Variants in SERPINI1 observed in about 807,000 individuals in gnomAD.
SERPINI1 encodes neuroserpin.
SERPINI1 carries 19 observed loss-of-function variants against 41.1 expected under a neutral mutation model. The ratio of observed to expected loss-of-function variants is 0.46; its 90% CI spans 0.32 to 0.68. The LOEUF is 0.68. Ranked by LOEUF, SERPINI1 falls within the 30% of genes least tolerant of loss-of-function variation. The pLI is 0.03. For missense variants in SERPINI1, 460 were observed against 479.2 expected, an observed-to-expected ratio of 0.96 and a Z score of 0.37; for synonymous variants, 138 against 156.6, an observed-to-expected ratio of 0.88 and a Z score of 0.89.
At chr3:167,796,076 C>A (rs935301385) in intron 5 of SERPINI1, among the ~76,000 whole-genome samples, 1 of 151,912 alleles carries the variant, frequency 6.6e-6, no homozygotes, top group African/African-American at 2.4e-5. Flanking sequence ...TTATTAATAA[C>A]TGATTAACCC....
chr3:167,758,970 T>G (rs1435799043), intron 1 of SERPINI1, among the ~76,000 whole-genome samples: 1 of 152,196 alleles, frequency 6.6e-6, no homozygotes, highest in African/African-American at 2.4e-5. Flanking sequence ...GAGTGGCTCT[T>G]TATAAAAGAA....
At chr3:167,796,866 T>G (rs530487662) in intron 5 of SERPINI1, among the ~76,000 whole-genome samples, 2 of 152,344 alleles carry the variant, frequency 1.3e-5, no homozygotes, top group African/African-American at 4.8e-5. Context: ...TTTGTAATCC[T>G]TTGGGTATAT....
chr3:167,816,258 C>T (rs923764010), intron 6 of SERPINI1, among the ~76,000 whole-genome samples: 1 of 152,058 alleles, frequency 6.6e-6, no homozygotes, highest in African/African-American at 2.4e-5. Context: ...TATCCGACTC[C>T]TGGGCTCAAG....
chr3:167,799,664 G>A (rs1172496692), intron 5 of SERPINI1, among the ~76,000 whole-genome samples: 1 of 152,164 alleles, frequency 6.6e-6, no homozygotes, highest in African/African-American at 2.4e-5. Flanking sequence ...CACCAACAGT[G>A]TAAAAGCATT....
intron 1 of SERPINI1, among the ~76,000 whole-genome samples, chr3:167,744,435 A>T (rs917855110): frequency 6.6e-6 from 1 of 151,326 alleles, no homozygotes; most frequent in Admixed American, 6.6e-5. Flanking sequence ...AACTGCTAAA[A>T]TAATGTTCAG....
At chr3:167,757,428 C>G (rs977619758) in intron 1 of SERPINI1, among the ~76,000 whole-genome samples, 2 of 152,034 alleles carry the variant, frequency 1.3e-5, no homozygotes, top group African/African-American at 4.8e-5. Flanking sequence ...TTATACAAAT[C>G]ATAATGAACG....
chr3:167,789,322 A>G lies in SERPINI1; in HGVS notation c.194A>G (p.Gln65Arg). 1 of 1,614,180 alleles carries G rather than the reference A, an allele frequency of 6.2e-7. No individual in the cohort carries two copies. The highest frequency in any genetic ancestry group is 8.5e-7 in the Non-Finnish European group (1 of 1,180,012). Reference sequence around the variant, plus strand: ...ATGGGAATGATGGAACTTGGGGCCCAAGGATCTACCCAGAAAGAAATCCGC... The same window carrying G: ...ATGGGAATGATGGAACTTGGGGCCCGAGGATCTACCCAGAAAGAAATCCGC... ...LAMGMMELGA[Q>R]GSTQKEIRHS... is the part of the protein sequence containing the mutation. Residue 65 changes from glutamine to arginine, a missense_variant, in exon 2 of 9, where the codon CAA becomes CGA. Transcript: ENST00000446050.
At chr3:167,808,836 G>T (rs981810217) in intron 6 of SERPINI1, among the ~76,000 whole-genome samples, 1 of 152,094 alleles carries the variant, frequency 6.6e-6, no homozygotes, top group African/African-American at 2.4e-5. Context: ...AGTTTGGGGG[G>T]CTCGTATTAA....
At chr3:167,746,534 C>T (rs982124722) in intron 1 of SERPINI1, among the ~76,000 whole-genome samples, 2 of 152,058 alleles carry the variant, frequency 1.3e-5, no homozygotes, top group South Asian at 2.1e-4. Flanking sequence ...ATATGCAGAG[C>T]TCATAAATAA....
chr3:167,809,540 G>A (rs939198174), intron 6 of SERPINI1, among the ~76,000 whole-genome samples: 3 of 152,180 alleles, frequency 2.0e-5, no homozygotes, highest in African/African-American at 7.2e-5. Context: ...TGCCTTTGCA[G>A]AGACAGAGAC....
intron 1 of SERPINI1, among the ~76,000 whole-genome samples, chr3:167,737,421 G>A (rs1048506932): frequency 1.3e-5 from 2 of 152,102 alleles, no homozygotes; most frequent in African/African-American, 2.4e-5. Flanking sequence ...CTTTGCTACA[G>A]CACTGGAGAA....
intron 1 of SERPINI1, among the ~76,000 whole-genome samples, chr3:167,758,713 G>A (rs1278557470): frequency 6.6e-6 from 1 of 152,032 alleles, no homozygotes; most frequent in East Asian, 1.9e-4. Flanking sequence ...GTCAGAAAAA[G>A]ATCATTATTG....
At chr3:167,792,482 T>C in intron 3 of SERPINI1, 108 bp from the exon 4 acceptor site, 1 of 825,318 alleles carries the variant, frequency 1.2e-6, no homozygotes, top group East Asian at 2.6e-5. Context: ...AAATTTGGTG[T>C]ACAGTTTCTC....
chr3:167,783,201 C>G (rs1026936552), intron 1 of SERPINI1, among the ~76,000 whole-genome samples: 1 of 152,138 alleles, frequency 6.6e-6, no homozygotes, highest in Non-Finnish European at 1.5e-5. Flanking sequence ...AGAGGAAGAA[C>G]TGCCATTGTG....
chr3:167,789,351 T>C lies in SERPINI1; in HGVS notation c.223T>C (p.Ser75Pro). The change falls in exon 2 of 9, where the codon TCA becomes CCA. Residue 75 changes from serine to proline, a missense_variant. By Grantham distance (74) the Ser-to-Pro change is moderately conservative (BLOSUM62 -1). Transcript: ENST00000446050. ...ATCTACCCAGAAAGAAATCCGCCAC[T>C]CAATGGGATATGACAGCCTAAAAAA... ...QGSTQKEIRH[S>P]MGYDSLKNGE... 1 of 1,614,164 alleles carries C rather than the reference T, an allele frequency of 6.2e-7. No homozygotes were observed. Among genetic ancestry groups the C allele is most frequent in the Non-Finnish European group, 8.5e-7 (1 of 1,180,012 alleles).
chr3:167,743,971 C>G (rs1273229441), intron 1 of SERPINI1, among the ~76,000 whole-genome samples: 1 of 151,980 alleles, frequency 6.6e-6, no homozygotes, highest in Non-Finnish European at 1.5e-5. Flanking sequence ...CACAACCATG[C>G]CCATTCATTT....
At chr3:167,772,864 CTATATA>C (rs1161668820) in intron 1 of SERPINI1, among the ~76,000 whole-genome samples, 10 of 24,644 alleles carry the variant, frequency 4.1e-4, no homozygotes, top group African/African-American at 9.3e-4. Flanking sequence ...CTCTCTCTCT[CTATATA>C]TATATATATA....
intron 5 of SERPINI1, among the ~76,000 whole-genome samples, chr3:167,803,713 G>A (rs976543840): frequency 1.3e-5 from 2 of 152,108 alleles, no homozygotes; most frequent in African/African-American, 4.8e-5. Flanking sequence ...CTTTTAAGAA[G>A]CAAAAAGAAT....
intron 1 of SERPINI1, among the ~76,000 whole-genome samples, chr3:167,737,493 T>G: frequency 6.6e-6 from 1 of 151,746 alleles, no homozygotes. Flanking sequence ...AAAAAAAAAG[T>G]GGGTATTAGG....
Sources: gnomAD v4.1 joint callset for allele counts (sites outside exome capture counted in the v4.1 genomes callset) on GRCh38, gnomAD v4.1.1 for gene constraint, MANE v1.5 for transcripts, NCBI Gene and HGNC (gene_info 2026-07-23, HGNC 2026-07-21) for gene names.